Variants in PHGDH observed in about 807,000 individuals in gnomAD.
The protein encoded by PHGDH is phosphoglycerate dehydrogenase.
Under a neutral mutation model 52.6 loss-of-function variants are expected in PHGDH, and 50 were observed. The observed-to-expected ratio is 0.95, with a 90% CI of 0.76 to 1.20. PHGDH has a LOEUF of 1.20. Ranked by LOEUF, PHGDH falls within the 50% of genes most tolerant of loss-of-function variation. The probability of loss-of-function intolerance (pLI) is 0.00; values close to 1 mark genes in which losing one functional copy is unlikely to be tolerated. For synonymous variants in PHGDH, 271 were observed against 280.5 expected (o/e 0.97, Z 0.34); for missense variants, 630 against 684.6 (o/e 0.92, Z 0.89).
At chr1:119,718,857 C>G (rs1299248734) in intron 1 of PHGDH, among the ~76,000 whole-genome samples, 1 of 152,132 alleles carries the variant, frequency 6.6e-6, no homozygotes, top group Non-Finnish European at 1.5e-5. Flanking sequence ...GAGACCAAAA[C>G]TGCAGGTCTA....
In PHGDH at chr1:119,744,191, C is replaced by T. The variant is rs112584109; in HGVS notation, c.*151C>T. On this transcript the variant is annotated 3_prime_UTR_variant, in exon 12 of 12. Transcript: ENST00000641023. ...TCTGACCCTGTAGTACAGCAATAAC[C>T]GTCTAATAAAGAGCCTACCCCCAAC... The T allele has an allele frequency of 8.0e-6, 6 of 747,100 alleles. No homozygotes were observed. Among genetic ancestry groups the T allele is most frequent in the Non-Finnish European group, 1.2e-5 (5 of 421,200 alleles). 46.3% of individuals were successfully genotyped at this position (747,100 alleles called of 1,614,324 possible).
intron 5 of PHGDH, among the ~76,000 whole-genome samples, chr1:119,731,722 C>A (rs587643173): frequency 1.3e-5 from 2 of 152,192 alleles, no homozygotes; most frequent in African/African-American, 4.8e-5. Flanking sequence ...TGGTGAATTT[C>A]GGCTCAGCCT....
chr1:119,723,967 C>T (rs1651284818), intron 3 of PHGDH, among the ~76,000 whole-genome samples: 1 of 152,054 alleles, frequency 6.6e-6, no homozygotes. Context: ...TAAGAACCTG[C>T]TTCAGGGTCC....
intron 5 of PHGDH, 85 bp from the exon 6 acceptor site, chr1:119,734,549 G>A (rs1651845226): frequency 7.6e-7 from 1 of 1,318,808 alleles, no homozygotes; most frequent in Non-Finnish European, 1.1e-6. Context: ...TATGGTAAAT[G>A]CTCAAAAAAT....
At chr1:119,730,400 C>G (rs1557973976) in intron 5 of PHGDH, among the ~76,000 whole-genome samples, 1 of 152,138 alleles carries the variant, frequency 6.6e-6, no homozygotes, top group African/African-American at 2.4e-5. Flanking sequence ...TAAATTAAAA[C>G]TTGGACAAGG....
In PHGDH at chr1:119,742,105, G is replaced by C. The variant is rs587661352; in HGVS notation, c.1209+208G>C. 5.0e-6 allele frequency: 3 copies of C among 599,486 alleles called. No homozygotes were observed. In the South Asian group the frequency reaches 5.8e-5, roughly 11 times the overall value. 37.1% of individuals were successfully genotyped at this position (599,486 alleles called of 1,614,324 possible). Reference sequence around the variant, plus strand: ...TTGCTAATGGCACTGCTTTGTGTATGAGTGCTGTGGGAATGGAGGCAGTAG... The same window carrying C: ...TTGCTAATGGCACTGCTTTGTGTATCAGTGCTGTGGGAATGGAGGCAGTAG... On this transcript the variant is annotated intron_variant, in intron 10 of 11. Coordinates refer to ENST00000641023, the MANE Select transcript of PHGDH (RefSeq NM_006623.4).
intron 8 of PHGDH, among the ~76,000 whole-genome samples, 167 bp downstream of exon 8, chr1:119,737,433 C>T (rs1226222693): frequency 6.6e-6 from 1 of 152,122 alleles, no homozygotes; most frequent in African/African-American, 2.4e-5. Flanking sequence ...GGGCGGGAGC[C>T]TCCCGTCTCC....
At chr1:119,733,022 C>G (rs1472374004) in intron 5 of PHGDH, among the ~76,000 whole-genome samples, 2 of 152,256 alleles carry the variant, frequency 1.3e-5, no homozygotes, top group Non-Finnish European at 2.9e-5. Flanking sequence ...ACAACGATGG[C>G]AGGGATCCCA....
intron 5 of PHGDH, among the ~76,000 whole-genome samples, chr1:119,732,484 G>A (rs902923294): frequency 6.6e-6 from 1 of 152,126 alleles, no homozygotes; most frequent in African/African-American, 2.4e-5. Flanking sequence ...GACACACCAG[G>A]ACCCTGACAG....
At chr1:119,721,375 T>A in intron 2 of PHGDH, 54 bp downstream of exon 2, 1 of 1,563,974 alleles carries the variant, frequency 6.4e-7, no homozygotes, top group South Asian at 1.1e-5. Context: ...GTGCGGAGAC[T>A]GACCACACCT....
chr1:119,717,232 C>CAAAA (rs58549149), intron 1 of PHGDH, among the ~76,000 whole-genome samples: 8,661 of 37,176 alleles, frequency 0.23, 2,561 homozygotes, highest in African/African-American at 0.29. Context: ...AACTCTGTCT[C>CAAAA]AAAAAAAAAA....
rs766430137 is a variant in PHGDH at position 119,742,948 on chromosome 1, G to GTGC, written c.1351_1352insTGC (p.Ala451delinsValPro). On this transcript the variant is annotated protein_altering_variant, in exon 11 of 12. Transcript: ENST00000641023. ...GCCTGTACTGCAGGGGCTCAATGGA[G>GTGC]CTGTCTTCAGGCCAGAAGTGCCTCT... is the stretch of plus-strand genomic sequence containing the variant. 8.1e-6 allele frequency: 13 copies of GTGC among 1,614,000 alleles called. No individual in the cohort carries two copies. The South Asian group carries it at 1.4e-4, about 18-fold the overall frequency.
chr1:119,721,316 T>C lies in PHGDH; in HGVS notation c.285T>C (p.Val95=), dbSNP rs752652444. ...LEAATRKGIL[V]MNTPNGNSLS... is the part of the protein sequence containing the mutation. ...CCGCAACAAGGAAGGGCATCTTGGT[T>C]ATGAAGTAAGTCATGGAGGCTGCGG... Residue 95 remains valine (V), a synonymous_variant, in exon 2 of 12, where the codon GTT becomes GTC. Coordinates refer to ENST00000641023, the MANE Select transcript of PHGDH (RefSeq NM_006623.4). The C allele has an allele frequency of 2.5e-6, 4 of 1,613,738 alleles. No individual in the cohort carries two copies. Among genetic ancestry groups the C allele is most frequent in the Non-Finnish European group, 3.4e-6 (4 of 1,179,886 alleles).
chr1:119,736,706 G>A (rs963936863), intron 7 of PHGDH, among the ~76,000 whole-genome samples: 6 of 152,162 alleles, frequency 3.9e-5, no homozygotes, highest in African/African-American at 1.4e-4. Flanking sequence ...GGTGAGTTTC[G>A]GGGAAAAGCC....
chr1:119,727,050 T>C lies in PHGDH; in HGVS notation c.458T>C (p.Leu153Pro), dbSNP rs1311224546. The stretch of plus-strand genomic sequence containing the variant: ...GGAAAGACCCTGGGAATTCTTGGCC[T>C]GGGCAGGATTGGGAGAGAGGTAGCT... ...LNGKTLGILG[L>P]GRIGREVATR... Residue 153 changes from leucine to proline, a missense_variant, in exon 5 of 12, where the codon CTG (leucine) becomes CCG (proline). Physicochemically the swap from Leu to Pro is moderately conservative, Grantham distance 98. Transcript: ENST00000641023. The C allele has an allele frequency of 2.5e-6, 4 of 1,613,586 alleles. No homozygotes were observed. The highest frequency in any genetic ancestry group is 2.2e-5 in the East Asian group (1 of 44,882).
intron 8 of PHGDH, among the ~76,000 whole-genome samples, chr1:119,737,565 C>T (rs1319418603): frequency 2.0e-5 from 3 of 152,142 alleles, no homozygotes; most frequent in African/African-American, 4.8e-5. Context: ...CCTTTGTTCT[C>T]CACATGCCGT....
chr1:119,731,264 C>G (rs1243900103), intron 5 of PHGDH, among the ~76,000 whole-genome samples: 1 of 152,182 alleles, frequency 6.6e-6, no homozygotes, highest in African/African-American at 2.4e-5. Flanking sequence ...CTGAGTCATA[C>G]AGGTCTTAAC....
intron 1 of PHGDH, chr1:119,712,422 G>A: frequency 2.2e-6 from 1 of 456,556 alleles, no homozygotes; most frequent in Non-Finnish European, 4.1e-6. Flanking sequence ...GCAAAGTGCG[G>A]GCTGCTCCAA....
At chr1:119,743,809 C>T in intron 11 of PHGDH, 77 bp from the exon 12 acceptor site, 1 of 1,134,054 alleles carries the variant, frequency 8.8e-7, no homozygotes, top group South Asian at 1.2e-5. Flanking sequence ...AAGCTTTGAA[C>T]TTCTGATTCT....
Sources: gnomAD v4.1 joint callset for allele counts (sites outside exome capture counted in the v4.1 genomes callset) on GRCh38, gnomAD v4.1.1 for gene constraint, MANE v1.5 for transcripts, NCBI Gene and HGNC (gene_info 2026-07-23, HGNC 2026-07-21) for gene names.